The following EYS variants were observed in gnomAD, a reference collection of about 807,000 sequenced individuals.
EYS encodes protein eyes shut homolog.
In EYS, 250 loss-of-function variants were observed where a neutral mutation model predicts 282.1. That is an observed-to-expected ratio of 0.89 (90% CI 0.80 to 0.98). The LOEUF is 0.98. EYS is among the 50% of genes least tolerant of loss of function. The probability of loss-of-function intolerance (pLI) is 0.00; values close to 1 mark genes in which losing one functional copy is unlikely to be tolerated. For synonymous variants in EYS, 1,355 were observed against 1,282.9 expected (o/e 1.06, Z -1.20); for missense variants, 4,016 against 3,709.0 (o/e 1.08, Z -2.15).
chr6:64,988,222 G>A (rs993743129), intron 14 of EYS, among the ~76,000 whole-genome samples: 1 of 151,502 alleles, frequency 6.6e-6, no homozygotes, highest in Admixed American at 6.6e-5. Context: ...CAGATTAGAG[G>A]CTTGATACCT....
chr6:64,200,545 G>A (rs1378346561), intron 31 of EYS, among the ~76,000 whole-genome samples: 2 of 152,088 alleles, frequency 1.3e-5, no homozygotes, highest in Non-Finnish European at 2.9e-5. Context: ...AAGAAAGGGT[G>A]CCAGTGTGTC....
At chr6:65,577,618 A>G (rs1195745155) in intron 2 of EYS, among the ~76,000 whole-genome samples, 1 of 151,904 alleles carries the variant, frequency 6.6e-6, no homozygotes, top group African/African-American at 2.4e-5. Flanking sequence ...CAAAGGAAAC[A>G]ATCAACACAG....
intron 31 of EYS, among the ~76,000 whole-genome samples, chr6:64,179,157 T>C (rs1041692291): frequency 2.6e-5 from 4 of 152,040 alleles, no homozygotes; most frequent in Non-Finnish European, 5.9e-5. Flanking sequence ...GTCCAAATAG[T>C]TTCAGATAAT....
chr6:64,560,094 T>C (rs529530351), intron 26 of EYS, among the ~76,000 whole-genome samples: 1 of 152,294 alleles, frequency 6.6e-6, no homozygotes, highest in East Asian at 1.9e-4. Context: ...TTCTTGTATT[T>C]CTGTATCTTA....
At chr6:65,044,311 G>GA (rs1773033431) in intron 13 of EYS, among the ~76,000 whole-genome samples, 1 of 148,176 alleles carries the variant, frequency 6.7e-6, no homozygotes, top group African/African-American at 2.5e-5. Context: ...TGTACGGTTT[G>GA]AAAATAATGT....
At chr6:65,234,511 T>A (rs1766871423) in intron 12 of EYS, among the ~76,000 whole-genome samples, 1 of 152,178 alleles carries the variant, frequency 6.6e-6, no homozygotes, top group African/African-American at 2.4e-5. Context: ...GAGCTCTAAT[T>A]GAAGATCACC....
intron 36 of EYS, among the ~76,000 whole-genome samples, chr6:63,858,691 A>T (rs1404665284): frequency 6.6e-6 from 1 of 152,144 alleles, no homozygotes; most frequent in Admixed American, 6.6e-5. Flanking sequence ...TGTAACAAGG[A>T]ACTGGAAAAT....
intron 29 of EYS, among the ~76,000 whole-genome samples, chr6:64,356,649 G>T (rs978808178): frequency 1.3e-5 from 2 of 151,536 alleles, no homozygotes; most frequent in Admixed American, 6.6e-5. Context: ...AGAATTCGTT[G>T]ATCAGAGAGG....
chr6:65,559,558 C>T (rs745728146), intron 2 of EYS, among the ~76,000 whole-genome samples: 126 of 152,030 alleles, frequency 8.3e-4, no homozygotes, highest in African/African-American at 2.1e-3. Context: ...TTCATCTTTG[C>T]GTCTTAATAA....
At chr6:64,769,264 A>G (rs1356815909) in intron 22 of EYS, among the ~76,000 whole-genome samples, 1 of 152,092 alleles carries the variant, frequency 6.6e-6, no homozygotes. Flanking sequence ...ATGAGTATTT[A>G]GTATTATTTT....
chr6:64,894,878 T>G (rs528952924), intron 18 of EYS, among the ~76,000 whole-genome samples: 110 of 152,180 alleles, frequency 7.2e-4, no homozygotes, highest in African/African-American at 2.5e-3. Context: ...TTGATTTTGT[T>G]TTTTTTTACC....
chr6:64,473,760 G>A (rs187028530), intron 26 of EYS, among the ~76,000 whole-genome samples: 3 of 152,214 alleles, frequency 2.0e-5, no homozygotes, highest in East Asian at 3.9e-4. Flanking sequence ...TGGGACTCAC[G>A]GATCACCAGC....
At chr6:65,121,660 T>C (rs12198237) in intron 12 of EYS, among the ~76,000 whole-genome samples, 6,145 of 152,274 alleles carry the variant, frequency 0.04, 176 homozygotes, top group Middle Eastern at 0.065. Flanking sequence ...ACTTTAGCAG[T>C]GAATGGCCTA....
chr6:64,916,190 G>A (rs1768157254), intron 15 of EYS, among the ~76,000 whole-genome samples: 1 of 152,120 alleles, frequency 6.6e-6, no homozygotes, highest in Non-Finnish European at 1.5e-5. Context: ...AAGTATTTAT[G>A]TTTTTCTCTT....
chr6:64,214,412 A>G (rs1765869394), intron 31 of EYS, among the ~76,000 whole-genome samples: 1 of 152,130 alleles, frequency 6.6e-6, no homozygotes, highest in African/African-American at 2.4e-5. Flanking sequence ...AGCAAAAGAC[A>G]TTGTTACTGA....
chr6:65,147,409 T>C (rs930520381), intron 12 of EYS, among the ~76,000 whole-genome samples: 1 of 152,078 alleles, frequency 6.6e-6, no homozygotes, highest in African/African-American at 2.4e-5. Context: ...GAATTTTCGA[T>C]GAAAATGTTG....
At chr6:64,675,313 A>C (rs1769612925) in intron 22 of EYS, among the ~76,000 whole-genome samples, 1 of 151,986 alleles carries the variant, frequency 6.6e-6, no homozygotes. Context: ...GTCTTCCCTG[A>C]CTTCAGTTCT....
At chr6:65,456,418 C>T in intron 5 of EYS, among the ~76,000 whole-genome samples, 1 of 151,186 alleles carries the variant, frequency 6.6e-6, no homozygotes, top group Non-Finnish European at 1.5e-5. Flanking sequence ...CCACTGCACT[C>T]CAGCCTAGCG....
chr6:65,134,552 C>G (rs539592593), intron 12 of EYS, among the ~76,000 whole-genome samples: 2 of 151,974 alleles, frequency 1.3e-5, no homozygotes, highest in Non-Finnish European at 2.9e-5. Flanking sequence ...ATGATGAGAA[C>G]TCTTGGCCGC....
Sources: allele counts gnomAD v4.1 joint callset (sites outside exome capture counted in the v4.1 genomes callset), GRCh38; gene constraint gnomAD v4.1.1; transcripts MANE v1.5; gene names NCBI Gene and HGNC (gene_info 2026-07-23, HGNC 2026-07-21).